The following PKN2 variants were observed in gnomAD, a reference collection of about 807,000 sequenced individuals.
PKN2 encodes the protein serine/threonine-protein kinase N2.
A neutral mutation model predicts 119.1 loss-of-function variants in PKN2; 38 were observed. That is an observed-to-expected ratio of 0.32 (90% CI 0.25 to 0.42). The LOEUF (loss-of-function observed/expected upper bound fraction) is 0.42, where lower values mean the gene tolerates loss of function less well. PKN2 is among the 10% of genes least tolerant of loss of function. The pLI is 1.00. For missense variants in PKN2, 850 were observed against 1,165.1 expected, an observed-to-expected ratio of 0.73 and a Z score of 3.94; for synonymous variants, 390 against 384.9, an observed-to-expected ratio of 1.01 and a Z score of -0.15.
At chr1:88,787,952 T>C (rs568531148) in intron 8 of PKN2, among the ~76,000 whole-genome samples, 162 of 152,328 alleles carry the variant, frequency 1.1e-3, no homozygotes, top group African/African-American at 3.7e-3. Context: ...TTATCCTTTG[T>C]ATTTATAGAC....
intron 2 of PKN2, among the ~76,000 whole-genome samples, chr1:88,751,868 A>T (rs1404366826): frequency 6.6e-6 from 1 of 150,954 alleles, no homozygotes; most frequent in African/African-American, 2.5e-5. Context: ...TTCAGCACTT[A>T]GAAACTGTTA....
chr1:88,710,615 C>A (rs952215912), intron 1 of PKN2, among the ~76,000 whole-genome samples: 1 of 152,132 alleles, frequency 6.6e-6, no homozygotes, highest in Non-Finnish European at 1.5e-5. Context: ...CCATCTAAGA[C>A]TAGCCAGAAT....
intron 16 of PKN2, among the ~76,000 whole-genome samples, chr1:88,817,496 A>T (rs2100904419): frequency 6.6e-6 from 1 of 151,854 alleles, no homozygotes; most frequent in East Asian, 1.9e-4. Flanking sequence ...GCACCAGGTC[A>T]GGATATCGAG....
intron 1 of PKN2, among the ~76,000 whole-genome samples, chr1:88,711,370 C>T (rs1008151645): frequency 6.6e-6 from 1 of 151,888 alleles, no homozygotes; most frequent in African/African-American, 2.4e-5. Flanking sequence ...ACCACCTTTG[C>T]GTAATCAGTC....
intron 2 of PKN2, among the ~76,000 whole-genome samples, chr1:88,745,837 A>G (rs1010490337): frequency 4.6e-5 from 7 of 152,186 alleles, no homozygotes; most frequent in Non-Finnish European, 8.8e-5. Context: ...AATATTACAA[A>G]GCTATAGTAA....
chr1:88,809,714 T>G (rs1437674872), intron 15 of PKN2, among the ~76,000 whole-genome samples: 2 of 152,194 alleles, frequency 1.3e-5, no homozygotes, highest in Non-Finnish European at 2.9e-5. Context: ...CTTGAATTCC[T>G]GGGCTCAAGC....
chr1:88,746,269 G>T (rs1668766114), intron 2 of PKN2, among the ~76,000 whole-genome samples: 1 of 152,024 alleles, frequency 6.6e-6, no homozygotes, highest in Non-Finnish European at 1.5e-5. Flanking sequence ...TAGATAGATG[G>T]GTTTGCATCA....
At chr1:88,723,148 C>CTG in intron 1 of PKN2, among the ~76,000 whole-genome samples, 1 of 151,844 alleles carries the variant, frequency 6.6e-6, no homozygotes, top group Admixed American at 6.6e-5. Flanking sequence ...GAGTCTGGCT[C>CTG]TGTCGCCCAG....
At chr1:88,772,812 A>G (rs1360250966) in intron 6 of PKN2, among the ~76,000 whole-genome samples, 6 of 152,180 alleles carry the variant, frequency 3.9e-5, no homozygotes, top group African/African-American at 1.4e-4. Context: ...AGTGGGTTTC[A>G]GTATCTCCAG....
intron 6 of PKN2, among the ~76,000 whole-genome samples, chr1:88,782,665 A>G (rs1557607946): frequency 6.6e-6 from 1 of 151,690 alleles, no homozygotes; most frequent in Non-Finnish European, 1.5e-5. Flanking sequence ...TAATCACTAG[A>G]AATTTGGTTT....
At chr1:88,762,547 G>A (rs1669489711) in intron 3 of PKN2, among the ~76,000 whole-genome samples, 1 of 152,134 alleles carries the variant, frequency 6.6e-6, no homozygotes. Flanking sequence ...TAAGGATTTT[G>A]TTAAAAGTTT....
intron 17 of PKN2, among the ~76,000 whole-genome samples, chr1:88,823,777 G>A (rs1672387312): frequency 6.7e-6 from 1 of 148,648 alleles, no homozygotes; most frequent in Non-Finnish European, 1.5e-5. Flanking sequence ...TTGGAAGGCT[G>A]AGGCCAGCGG....
intron 3 of PKN2, among the ~76,000 whole-genome samples, chr1:88,766,969 A>G (rs1669690168): frequency 6.6e-6 from 1 of 152,220 alleles, no homozygotes; most frequent in Non-Finnish European, 1.5e-5. Context: ...TTGAATTGAA[A>G]TAGTGAAGAA....
intron 1 of PKN2, among the ~76,000 whole-genome samples, chr1:88,708,324 A>G (rs916761417): frequency 6.6e-6 from 1 of 152,182 alleles, no homozygotes; most frequent in Non-Finnish European, 1.5e-5. Context: ...ATAATGAAAT[A>G]AGTCATTTTA....
chr1:88,697,910 C>T (rs1240246463), intron 1 of PKN2, among the ~76,000 whole-genome samples: 1 of 152,208 alleles, frequency 6.6e-6, no homozygotes, highest in Non-Finnish European at 1.5e-5. Flanking sequence ...TTTTCTATCT[C>T]ATGACATTTA....
intron 2 of PKN2, among the ~76,000 whole-genome samples, chr1:88,749,008 C>G (rs900235341): frequency 6.6e-6 from 1 of 152,040 alleles, no homozygotes; most frequent in African/African-American, 2.4e-5. Context: ...AATGAGAATT[C>G]TAGTTGTTCC....
rs559004775 is a variant in PKN2, at chr1:88,691,392, C to A, written c.48+6764C>A. On this transcript the variant is annotated intron_variant, in intron 1 of 21. Transcript: ENST00000370521. ...AGTATCATATATTTTACACATTAATCATACTGTTTTCCCTTCCCTGTAGTT... is the reference window on the plus strand; with the variant it reads ...AGTATCATATATTTTACACATTAATAATACTGTTTTCCCTTCCCTGTAGTT... Among the ~76,000 whole-genome samples the A allele has an allele frequency of 7.2e-5, 11 of 152,248 alleles. No homozygotes were observed. In the East Asian group the frequency reaches 1.4e-3, roughly 19 times the overall value.
intron 15 of PKN2, among the ~76,000 whole-genome samples, chr1:88,812,243 G>C (rs756370100): frequency 6.6e-6 from 1 of 152,142 alleles, no homozygotes; most frequent in Admixed American, 6.5e-5. Flanking sequence ...CATCTGTGCA[G>C]ATACCTCATC....
intron 1 of PKN2, among the ~76,000 whole-genome samples, chr1:88,688,427 TA>T (rs1666193704): frequency 6.6e-6 from 1 of 152,164 alleles, no homozygotes; most frequent in East Asian, 1.9e-4. Flanking sequence ...TGGGGAACTA[TA>T]AATGTTTTGC....
Sources: allele counts gnomAD v4.1 joint callset (sites outside exome capture counted in the v4.1 genomes callset), GRCh38; gene constraint gnomAD v4.1.1; transcripts MANE v1.5; gene names NCBI Gene and HGNC (gene_info 2026-07-23, HGNC 2026-07-21).